Variants in WNT5A observed in about 807,000 individuals in gnomAD.
WNT5A encodes protein Wnt-5a.
Under a neutral mutation model 42.1 loss-of-function variants are expected in WNT5A, and 9 were observed. The ratio of observed to expected loss-of-function variants is 0.21; its 90% CI spans 0.13 to 0.37. The LOEUF (loss-of-function observed/expected upper bound fraction) is 0.37, where lower values mean the gene tolerates loss of function less well. Among genes scored for constraint, WNT5A ranks in the 10% least tolerant of loss-of-function variants. The probability of loss-of-function intolerance (pLI) is 1.00; values close to 1 mark genes in which losing one functional copy is unlikely to be tolerated. For synonymous variants in WNT5A, 210 were observed against 210.0 expected (o/e 1.00, Z 0.00); for missense variants, 426 against 534.0 (o/e 0.80, Z 1.99).
At chr3:55,477,753 A>G (rs917963036) in intron 3 of WNT5A, among the ~76,000 whole-genome samples, 1 of 152,224 alleles carries the variant, frequency 6.6e-6, no homozygotes, top group African/African-American at 2.4e-5. Flanking sequence ...CAGGCTACGT[A>G]TGAAAACGAG....
Position 55,466,200 on chromosome 3 carries a change from A to G in WNT5A, c.*3892T>C, listed in dbSNP as rs1481985525. The stretch of plus-strand genomic sequence containing the variant: ...TACTTTAAAAAAAATAAATATTTTA[A>G]AAGTATAGCTTACAGTGACAATGTA... On this transcript the variant is annotated 3_prime_UTR_variant, in exon 5 of 5. Coordinates refer to ENST00000264634, the MANE Select transcript of WNT5A (RefSeq NM_003392.7). 4 of 152,206 alleles carry G rather than the reference A, an allele frequency of 2.6e-5. No individual in the cohort carries two copies. Among genetic ancestry groups the G allele is most frequent in the African/African-American group, 9.6e-5 (4 of 41,464 alleles). 9.4% of individuals were successfully genotyped at this position (152,206 alleles called of 1,614,324 possible). A position where few individuals can be genotyped will look rare whatever the true frequency, so the allele number is the denominator to read the frequency against.
At chr3:55,496,944 C>T in the WNT5A span, among the ~76,000 whole-genome samples, 2 of 152,334 alleles carry the variant, frequency 1.3e-5, no homozygotes, top group East Asian at 3.9e-4. Context: ...TGCATTCATT[C>T]ATTCATCCCG....
chr3:55,496,710 A>G, the WNT5A span, among the ~76,000 whole-genome samples: 6 of 152,334 alleles, frequency 3.9e-5, no homozygotes, highest in African/African-American at 9.6e-5. Flanking sequence ...TTCAGCATGC[A>G]TGCTCCATTC....
upstream of WNT5A, among the ~76,000 whole-genome samples, chr3:55,491,656 C>T (rs2051660862): frequency 6.6e-6 from 1 of 152,054 alleles, no homozygotes; most frequent in Non-Finnish European, 1.5e-5. Flanking sequence ...ATTTTATGGC[C>T]CTGGGTTTAT....
At chr3:55,477,737 C>T (rs1201490405) in intron 3 of WNT5A, among the ~76,000 whole-genome samples, 1 of 152,076 alleles carries the variant, frequency 6.6e-6, no homozygotes, top group African/African-American at 2.4e-5. Flanking sequence ...ACATTTTGGC[C>T]CAAAACAGGC....
the WNT5A span, among the ~76,000 whole-genome samples, chr3:55,500,350 A>G: frequency 6.6e-6 from 1 of 152,226 alleles, no homozygotes; most frequent in African/African-American, 2.4e-5. Flanking sequence ...GGGCTCACAG[A>G]ATGAGAATAT....
chr3:55,494,522 ATTGTGGTTT>A (rs992876084), upstream of WNT5A, among the ~76,000 whole-genome samples: 1 of 152,140 alleles, frequency 6.6e-6, no homozygotes, highest in African/African-American at 2.4e-5. Flanking sequence ...TACAAAAGTA[ATTGTGGTTT>A]TTGCCATTAC....
intron 1 of WNT5A, among the ~76,000 whole-genome samples, chr3:55,482,391 C>G (rs904318455): frequency 4.4e-4 from 67 of 152,248 alleles, no homozygotes; most frequent in Non-Finnish European, 7.1e-4. Context: ...CTAACCCTGC[C>G]GCACTGCATC....
At chr3:55,481,251 T>C (rs2051455983) in intron 1 of WNT5A, 1 of 992,364 alleles carries the variant, frequency 1.0e-6, no homozygotes, top group Admixed American at 5.6e-5. Context: ...CTGGCCCCCC[T>C]CTAGTTGGTG....
chr3:55,474,354 T>A lies in WNT5A; in HGVS notation c.667A>T (p.Asn223Tyr). Reference sequence around the variant, plus strand: ...GCACTCACCCTGCGGCCGGCCTCGTTGTTGTGCAGGTTCATGAGGATGCGA... The same window carrying A: ...GCACTCACCCTGCGGCCGGCCTCGTAGTTGTGCAGGTTCATGAGGATGCGA... ...SARILMNLHNNEAGRRTVYNL... is the reference protein window; with the variant it reads ...SARILMNLHNYEAGRRTVYNL... The change falls in exon 4 of 5, where the codon AAC becomes TAC. Residue 223 changes from asparagine to tyrosine, a missense_variant. Asn to Tyr is a moderately radical substitution (Grantham distance 143, BLOSUM62 -2). Coordinates refer to ENST00000264634, the MANE Select transcript of WNT5A (RefSeq NM_003392.7). 6.2e-7 allele frequency: 1 copy of A among 1,612,854 alleles called. No homozygotes were observed. The highest frequency in any genetic ancestry group is 8.5e-7 in the Non-Finnish European group (1 of 1,179,754).
chr3:55,484,064 G>A (rs1025611351), intron 1 of WNT5A, among the ~76,000 whole-genome samples: 1 of 152,102 alleles, frequency 6.6e-6, no homozygotes, highest in South Asian at 2.1e-4. Flanking sequence ...GACTCTCTAC[G>A]TTTAGGCCCC....
At chr3:55,494,191 T>G (rs2051691272), upstream of WNT5A, 1 of 152,246 alleles carries the variant, frequency 6.6e-6, no homozygotes, top group Non-Finnish European at 1.5e-5. Context: ...TATTTATTTA[T>G]TTTTGGAATT....
chr3:55,503,622 G>C, the WNT5A span, among the ~76,000 whole-genome samples: 2 of 152,284 alleles, frequency 1.3e-5, no homozygotes, highest in Admixed American at 6.5e-5. Context: ...ACTTCCACAG[G>C]CTTGCAGGGC....
At chr3:55,473,863 C>A (rs2051297809) in intron 4 of WNT5A, among the ~76,000 whole-genome samples, 2 of 152,218 alleles carry the variant, frequency 1.3e-5, no homozygotes, top group East Asian at 1.9e-4. Context: ...ATCGTCCAGG[C>A]AGGAGGGAGA....
chr3:55,491,840 A>G (rs2051662783), upstream of WNT5A, among the ~76,000 whole-genome samples: 1 of 152,260 alleles, frequency 6.6e-6, no homozygotes, highest in Non-Finnish European at 1.5e-5. Flanking sequence ...CTCAGAGTCA[A>G]GACCAGCAGG....
upstream of WNT5A, among the ~76,000 whole-genome samples, chr3:55,493,201 C>T (rs1292712295): frequency 1.3e-5 from 2 of 152,212 alleles, no homozygotes; most frequent in Non-Finnish European, 2.9e-5. Flanking sequence ...GGCTGTCTCT[C>T]CCCAGTGCTG....
upstream of WNT5A, chr3:55,493,710 T>C (rs2051686230): frequency 6.6e-6 from 1 of 152,254 alleles, no homozygotes; most frequent in Non-Finnish European, 1.5e-5. Context: ...CCTGGTAATC[T>C]GACTTTAAAT....
intron 4 of WNT5A, among the ~76,000 whole-genome samples, chr3:55,471,289 G>T (rs979360239): frequency 2.0e-5 from 3 of 152,220 alleles, no homozygotes; most frequent in Admixed American, 6.5e-5. Flanking sequence ...GCTAAAGTGT[G>T]GGGGGACTGC....
rs559228389 is a variant in WNT5A, at chr3:55,480,658, T to C, written c.140+127A>G. On this transcript the variant is annotated intron_variant, in intron 2 of 4. Transcript: ENST00000264634. ...GATTTAAAACTATATATAAGTAAAA[T>C]GTATACATATGTCTTGCAATAAATA... The C allele has an allele frequency of 6.1e-6, 6 of 979,368 alleles. No individual in the cohort carries two copies. The South Asian group carries it at 2.1e-4, about 34-fold the overall frequency. The allele number at this position is 979,368 out of a possible 1,614,324, so 60.7% of individuals were successfully genotyped here.
Sources: gnomAD v4.1 joint callset for allele counts (sites outside exome capture counted in the v4.1 genomes callset) on GRCh38, gnomAD v4.1.1 for gene constraint, MANE v1.5 for transcripts, NCBI Gene and HGNC (gene_info 2026-07-23, HGNC 2026-07-21) for gene names.